The following GLP1R variants were observed in gnomAD, a reference collection of about 807,000 sequenced individuals.
The protein encoded by GLP1R is glucagon-like peptide 1 receptor.
In GLP1R, 32 loss-of-function variants were observed where a neutral mutation model predicts 68.4. That is an observed-to-expected ratio of 0.47 (90% confidence interval 0.35 to 0.63). The LOEUF (loss-of-function observed/expected upper bound fraction) is 0.63, where lower values mean the gene tolerates loss of function less well. Ranked by LOEUF, GLP1R falls within the 20% of genes least tolerant of loss-of-function variation. The probability of loss-of-function intolerance (pLI) is 0.00; values close to 1 mark genes in which losing one functional copy is unlikely to be tolerated. For missense variants in GLP1R, 502 were observed against 594.9 expected (o/e 0.84, Z 1.62); for synonymous variants, 263 against 244.4 (o/e 1.08, Z -0.71).
chr6:39,069,818 A>G (rs140081915), intron 5 of GLP1R, among the ~76,000 whole-genome samples: 4 of 152,280 alleles, frequency 2.6e-5, no homozygotes, highest in African/African-American at 9.6e-5. Flanking sequence ...TCTCGGTACC[A>G]ATTTCTATCT....
chr6:39,053,141 C>T (rs574745807), intron 1 of GLP1R, among the ~76,000 whole-genome samples: 5 of 152,324 alleles, frequency 3.3e-5, no homozygotes, highest in South Asian at 2.1e-4. Context: ...CCCCTCTGAC[C>T]GCTGCTTTGC....
rs1418102487 is a variant in GLP1R at position 39,086,981 on chromosome 6, C to T, written c.*908C>T. On this transcript the variant is annotated 3_prime_UTR_variant, in exon 13 of 13. Transcript: ENST00000373256. The surrounding 1 kb of genome is among the most constrained non-coding windows in gnomAD (Gnocchi z 4.5). ...CCCAGAGGGCCAAGAGAGACATTGC[C>T]TCCACCTCTCCTTGGAAATACTTTA... The T allele has an allele frequency of 6.6e-6, 1 of 152,358 alleles. No homozygotes were observed. The highest frequency in any genetic ancestry group is 1.5e-5 in the Non-Finnish European group (1 of 68,074). The allele number at this position is 152,358 out of a possible 1,614,324, so 9.4% of individuals were successfully genotyped here.
chr6:39,063,911 C>G (rs1768422221), intron 3 of GLP1R, among the ~76,000 whole-genome samples: 1 of 146,182 alleles, frequency 6.8e-6, no homozygotes, highest in Non-Finnish European at 1.5e-5. Context: ...CACACACACA[C>G]ACACACAGAC....
chr6:39,076,500 C>T (rs777686792), intron 7 of GLP1R, among the ~76,000 whole-genome samples: 1 of 152,146 alleles, frequency 6.6e-6, no homozygotes, highest in African/African-American at 2.4e-5. Flanking sequence ...TCTCTCCCTG[C>T]ATCATCAGGC....
intron 5 of GLP1R, among the ~76,000 whole-genome samples, chr6:39,070,870 C>T (rs1430898561): frequency 6.6e-6 from 1 of 151,824 alleles, no homozygotes; most frequent in Non-Finnish European, 1.5e-5. Context: ...CTTATTTTTT[C>T]ACTCATTTTA....
At chr6:39,071,489 T>C (rs1484442036) in intron 5 of GLP1R, among the ~76,000 whole-genome samples, 3 of 152,176 alleles carry the variant, frequency 2.0e-5, no homozygotes, top group African/African-American at 7.2e-5. Flanking sequence ...TTGGAATTCA[T>C]ATTGCGTATG....
chr6:39,080,700 G>A lies in GLP1R; in HGVS notation c.1185G>A (p.Gly395=), dbSNP rs774986546. The part of the protein sequence containing the change: ...FTELSFTSFQ[G]LMVAILYCFV... ...CTTGATGTGACTCTTGTTTCCAGGGGCTGATGGTGGCCATATTATACTGCT... is the reference window on the plus strand; with the variant it reads ...CTTGATGTGACTCTTGTTTCCAGGGACTGATGGTGGCCATATTATACTGCT... Residue 395 remains glycine (G), a splice_region_variant and synonymous_variant, in exon 12 of 13, where the codon GGG becomes GGA. Coordinates refer to ENST00000373256, the MANE Select transcript of GLP1R (RefSeq NM_002062.5). 4 of 1,595,886 alleles carry A rather than the reference G, an allele frequency of 2.5e-6. No homozygotes were observed. The highest frequency in any genetic ancestry group is 2.3e-5 in the South Asian group (2 of 88,872).
intron 5 of GLP1R, among the ~76,000 whole-genome samples, chr6:39,071,678 G>C (rs1323921540): frequency 2.0e-5 from 3 of 151,868 alleles, no homozygotes; most frequent in Admixed American, 6.6e-5. Context: ...ATCTTTCCCT[G>C]TCCGGATACC....
intron 11 of GLP1R, 43 bp from the exon 12 acceptor site, chr6:39,080,655 C>T (rs2150837251): frequency 6.2e-6 from 9 of 1,454,080 alleles, no homozygotes; most frequent in Non-Finnish European, 8.5e-6. Flanking sequence ...TGCAGGGCAC[C>T]TCCCTCCTGC....
At chr6:39,052,533 A>C (rs1362899473) in intron 1 of GLP1R, among the ~76,000 whole-genome samples, 1 of 152,184 alleles carries the variant, frequency 6.6e-6, no homozygotes, top group Non-Finnish European at 1.5e-5. Flanking sequence ...CCCCAGAGAA[A>C]GAAAGAATCT....
chr6:39,078,370 A>T lies in GLP1R; in HGVS notation c.872A>T (p.Tyr291Phe). 1 of 1,611,284 alleles carries T rather than the reference A, an allele frequency of 6.2e-7. No individual in the cohort carries two copies. The highest frequency in any genetic ancestry group is 8.5e-7 in the Non-Finnish European group (1 of 1,177,546). Reference protein sequence around the residue: ...VVPWGIVKYLYEDEGCWTRNS... With the variant: ...VVPWGIVKYLFEDEGCWTRNS... ...CCCTGGGGCATTGTCAAGTACCTCT[A>T]TGAGGACGAGGGGTGAGTGTCCTGC... Residue 291 changes from tyrosine (Y) to phenylalanine (F), a missense_variant, in exon 8 of 13, where the codon TAT becomes TTT. Tyr to Phe is a conservative substitution (Grantham distance 22). Coordinates refer to ENST00000373256, the MANE Select transcript of GLP1R (RefSeq NM_002062.5).
intron 1 of GLP1R, among the ~76,000 whole-genome samples, chr6:39,052,296 C>G (rs1020284054): frequency 3.3e-5 from 5 of 151,836 alleles, no homozygotes; most frequent in African/African-American, 1.2e-4. Context: ...AAACAAGGGG[C>G]GGTCAAAGAG....
Position 39,072,934 on chromosome 6 carries a change from C to T in GLP1R, c.582C>T (p.Val194=). The T allele has an allele frequency of 6.2e-7, 1 of 1,614,076 alleles. No homozygotes were observed. Among genetic ancestry groups the T allele is most frequent in the Non-Finnish European group, 8.5e-7 (1 of 1,179,906 alleles). ...CCTTCATCCTGCGAGCATTGTCCGT[C>T]TTCATCAAGGACGCAGCCCTGAAGT... is the stretch of plus-strand genomic sequence containing the variant. The part of the protein sequence containing the change: ...FASFILRALS[V]FIKDAALKWM... The change falls in exon 6 of 13, where the codon GTC becomes GTT. Residue 194 remains valine (V), a synonymous_variant. Transcript: ENST00000373256.
Position 39,078,381 on chromosome 6 carries a change from G to T in GLP1R, c.883G>T (p.Gly295Cys), listed in dbSNP as rs1183821389. Residue 295 changes from glycine (G) to cysteine (C), a missense_variant and splice_region_variant, in exon 8 of 13, where the codon GGC becomes TGC. Physicochemically the swap from Gly to Cys is radical, Grantham distance 159 (BLOSUM62 -3). Transcript: ENST00000373256. The part of the protein sequence containing the change: ...GIVKYLYEDE[G>C]CWTRNSNMNY... ...TGTCAAGTACCTCTATGAGGACGAG[G>T]GGTGAGTGTCCTGCTCCAAGGGGGC... The T allele has an allele frequency of 1.9e-6, 3 of 1,607,492 alleles. No homozygotes were observed. The East Asian group carries it at 6.7e-5, about 36-fold the overall frequency.
rs780507821 is a variant in GLP1R at position 39,073,715 on chromosome 6, T to G, written c.769T>G (p.Phe257Val). The change falls in exon 7 of 13, where the codon TTC becomes GTC. Residue 257 changes from phenylalanine to valine, a missense_variant. Phe to Val is a conservative substitution (Grantham distance 50). Coordinates refer to ENST00000373256, the MANE Select transcript of GLP1R (RefSeq NM_002062.5). ...EGVYLYTLLAFSVLSEQWIFR... is the reference protein window; with the variant it reads ...EGVYLYTLLAVSVLSEQWIFR... Reference sequence around the variant, plus strand: ...CGTGTACCTGTACACACTGCTGGCCTTCTCGGTCTTATCTGAGCAATGGAT... The same window carrying G: ...CGTGTACCTGTACACACTGCTGGCCGTCTCGGTCTTATCTGAGCAATGGAT... The G allele has an allele frequency of 6.2e-7, 1 of 1,614,018 alleles. No homozygotes were observed. The highest frequency in any genetic ancestry group is 1.1e-5 in the South Asian group (1 of 91,078).
chr6:39,055,031 C>T (rs957897182), intron 1 of GLP1R, among the ~76,000 whole-genome samples: 4 of 152,104 alleles, frequency 2.6e-5, no homozygotes, highest in East Asian at 3.8e-4. Flanking sequence ...TCAGGGTAGC[C>T]CCTGCCGCCT....
chr6:39,073,826 C>T lies in GLP1R; in HGVS notation c.823+57C>T, dbSNP rs190248812. ...TGGCACGGGGGTGGGAGACCTTGAC[C>T]CCTCTTCTAACATGGTACTTGGAAC... On this transcript the variant is annotated intron_variant, in intron 7 of 12. Coordinates refer to ENST00000373256, the MANE Select transcript of GLP1R (RefSeq NM_002062.5). 4,378 of 1,502,350 alleles carry T rather than the reference C, an allele frequency of 2.9e-3. 12 individuals are homozygous for T. The highest frequency in any genetic ancestry group is 3.5e-3 in the Non-Finnish European group (3,812 of 1,084,386). The allele number at this position is 1,502,350 out of a possible 1,614,324, so 93.1% of individuals were successfully genotyped here.
At position 39,090,321 on chromosome 6, in the gene GLP1R, G is replaced by C. The variant is rs888714713; in HGVS notation, c.*4248G>C. The stretch of plus-strand genomic sequence containing the variant: ...TTCCAATAACTCCCCAAGTCTCTTG[G>C]AATATATATGTATCTGAATCTCTCA... On this transcript the variant is annotated 3_prime_UTR_variant, in exon 13 of 13. Transcript: ENST00000373256. 6.6e-6 allele frequency among the ~76,000 whole-genome samples: 1 copy of C among 152,176 alleles called. No homozygotes were observed. The highest frequency in any genetic ancestry group is 1.5e-5 in the Non-Finnish European group (1 of 68,032).
chr6:39,066,558 A>T (rs1168400883), intron 5 of GLP1R, among the ~76,000 whole-genome samples: 1 of 152,254 alleles, frequency 6.6e-6, no homozygotes. Flanking sequence ...CGCAAGCACC[A>T]CCAACCTCAA....
Sources: allele counts gnomAD v4.1 joint callset (sites outside exome capture counted in the v4.1 genomes callset), GRCh38; gene constraint gnomAD v4.1.1; non-coding constraint Gnocchi (gnomAD v3.1); transcripts MANE v1.5; gene names NCBI Gene and HGNC (gene_info 2026-07-23, HGNC 2026-07-21).